Variants in FER observed in about 807,000 individuals in gnomAD.
FER encodes the protein FER tyrosine kinase.
In FER, 63 loss-of-function variants were observed where a neutral mutation model predicts 111.0. The observed-to-expected ratio is 0.57, with a 90% CI of 0.46 to 0.70. The LOEUF (loss-of-function observed/expected upper bound fraction) is 0.70. Ranked by LOEUF, FER falls within the 30% of genes least tolerant of loss-of-function variation. FER has a pLI of 0.00. For missense variants in FER, 914 were observed against 954.0 expected, an observed-to-expected ratio of 0.96 and a Z score of 0.55; for synonymous variants, 327 against 313.9, an observed-to-expected ratio of 1.04 and a Z score of -0.44.
At chr5:108,905,248 G>T (rs55960958) in intron 10 of FER, among the ~76,000 whole-genome samples, 8,874 of 151,948 alleles carry the variant, frequency 0.058, 359 homozygotes, top group Non-Finnish European at 0.082. Flanking sequence ...TATTTTAACT[G>T]TTATCTGTGT....
chr5:108,906,494 A>T (rs1750792259), intron 10 of FER, among the ~76,000 whole-genome samples: 1 of 151,794 alleles, frequency 6.6e-6, no homozygotes, highest in Non-Finnish European at 1.5e-5. Context: ...CGACTTATGC[A>T]TTACCTTTAT....
chr5:108,812,775 A>G (rs60618804), intron 3 of FER, among the ~76,000 whole-genome samples: 2 of 151,894 alleles, frequency 1.3e-5, no homozygotes, highest in African/African-American at 4.8e-5. Context: ...GTATACATCT[A>G]TAACTTACTA....
intron 13 of FER, among the ~76,000 whole-genome samples, chr5:108,998,183 GAAAAAAA>G (rs915109794): frequency 1.4e-5 from 1 of 71,420 alleles, no homozygotes; most frequent in Admixed American, 1.7e-4. Flanking sequence ...ACCGGGGTAT[GAAAAAAA>G]AAAAAAAAAA....
At chr5:108,873,343 C>T (rs944525800) in intron 8 of FER, among the ~76,000 whole-genome samples, 2 of 152,000 alleles carry the variant, frequency 1.3e-5, no homozygotes, top group Admixed American at 6.6e-5. Context: ...TGGGGTTTTG[C>T]CCTGCTGGCC....
At chr5:108,959,166 A>G in intron 12 of FER, 59 bp from the exon 13 acceptor site, 4 of 1,545,114 alleles carry the variant, frequency 2.6e-6, no homozygotes. Flanking sequence ...TTATCAATGA[A>G]TGTAGATTTT....
At chr5:109,034,178 C>T (rs1770038340) in intron 13 of FER, among the ~76,000 whole-genome samples, 2 of 152,176 alleles carry the variant, frequency 1.3e-5, no homozygotes, top group Admixed American at 1.3e-4. Flanking sequence ...GACCAACATT[C>T]TGTTCTCTAC....
intron 8 of FER, 97 bp downstream of exon 8, chr5:108,872,309 T>G (rs533737268): frequency 1.7e-6 from 2 of 1,210,436 alleles, no homozygotes; most frequent in South Asian, 3.7e-5. Context: ...TTACAAGTAT[T>G]GAACAGTAAA....
At chr5:109,136,576 T>G (rs1035591778) in intron 17 of FER, among the ~76,000 whole-genome samples, 1 of 152,188 alleles carries the variant, frequency 6.6e-6, no homozygotes, top group Non-Finnish European at 1.5e-5. Context: ...TAGCTAGTTA[T>G]AGCTTACAAA....
At chr5:108,867,203 C>T (rs1254183296) in intron 5 of FER, among the ~76,000 whole-genome samples, 1 of 151,906 alleles carries the variant, frequency 6.6e-6, no homozygotes, top group Non-Finnish European at 1.5e-5. Context: ...TTCCTAGTAG[C>T]GTTCAGCTAA....
chr5:109,173,765 C>CCG (rs1554158711), intron 17 of FER, among the ~76,000 whole-genome samples: 5 of 148,010 alleles, frequency 3.4e-5, no homozygotes, highest in African/African-American at 1.2e-4. Flanking sequence ...CTCCCCCCCC[C>CCG]CCACAAGTAA....
intron 16 of FER, among the ~76,000 whole-genome samples, chr5:109,067,646 TC>T (rs1179106035): frequency 1.3e-5 from 2 of 152,166 alleles, no homozygotes; most frequent in African/African-American, 4.8e-5. Flanking sequence ...AGTTTTCTAA[TC>T]ATCTGCTACT....
intron 10 of FER, among the ~76,000 whole-genome samples, chr5:108,931,287 A>G (rs1022629691): frequency 3.3e-5 from 5 of 152,152 alleles, no homozygotes; most frequent in African/African-American, 1.2e-4. Context: ...TTAAAACTTC[A>G]GCAATAGTGA....
intron 13 of FER, among the ~76,000 whole-genome samples, chr5:108,995,919 C>T (rs1476783635): frequency 2.0e-5 from 3 of 149,528 alleles, no homozygotes; most frequent in Non-Finnish European, 4.5e-5. Context: ...ACATCCTCTC[C>T]AGCATCTGTT....
intron 13 of FER, among the ~76,000 whole-genome samples, chr5:108,993,092 C>T (rs893620397): frequency 4.7e-5 from 7 of 149,862 alleles, no homozygotes; most frequent in Middle Eastern, 3.6e-3. Flanking sequence ...ACCTCCCAGA[C>T]GATGGGCGGC....
At chr5:109,042,785 C>T (rs1561816000) in intron 14 of FER, among the ~76,000 whole-genome samples, 1 of 151,898 alleles carries the variant, frequency 6.6e-6, no homozygotes, top group Non-Finnish European at 1.5e-5. Context: ...GCGTTTTCCA[C>T]AGAGGGAAAA....
chr5:108,883,075 G>A (rs929073528), intron 8 of FER, among the ~76,000 whole-genome samples: 3 of 151,864 alleles, frequency 2.0e-5, no homozygotes, highest in Non-Finnish European at 2.9e-5. Flanking sequence ...TACCAAAGTT[G>A]TTCTCTTCTC....
chr5:109,122,800 C>T (rs1432358288), intron 17 of FER, among the ~76,000 whole-genome samples: 2 of 151,916 alleles, frequency 1.3e-5, no homozygotes, highest in African/African-American at 2.4e-5. Flanking sequence ...TGAATTGACC[C>T]CTTTTTCATT....
intron 3 of FER, among the ~76,000 whole-genome samples, chr5:108,829,807 C>T (rs1759848021): frequency 6.6e-6 from 1 of 152,100 alleles, no homozygotes; most frequent in Non-Finnish European, 1.5e-5. Context: ...GTACCGCCTT[C>T]ATGGAGCTTC....
At chr5:108,841,506 C>T (rs879442075) in intron 5 of FER, among the ~76,000 whole-genome samples, 2 of 152,088 alleles carry the variant, frequency 1.3e-5, no homozygotes, top group Non-Finnish European at 2.9e-5. Context: ...TAGGAGACAT[C>T]GAGAGGTTTG....
Sources: gnomAD v4.1 joint callset for allele counts (sites outside exome capture counted in the v4.1 genomes callset) on GRCh38, gnomAD v4.1.1 for gene constraint, MANE v1.5 for transcripts, NCBI Gene and HGNC (gene_info 2026-07-23, HGNC 2026-07-21) for gene names.